XCR1: variants seen among roughly 807,000 people sequenced by gnomAD.
The protein encoded by XCR1 is X-C motif chemokine receptor 1.
For synonymous variants in XCR1, 187 were observed against 188.5 expected (o/e 0.99, Z 0.06); for missense variants, 356 against 424.2 (o/e 0.84, Z 1.41).
At chr3:46,036,080 C>T (rs73070434) in intron 5 of XCR1, among the ~76,000 whole-genome samples, 37 of 152,314 alleles carry the variant, frequency 2.4e-4, no homozygotes, top group Non-Finnish European at 5.0e-4. Context: ...ATTAGAATTA[C>T]ATAAACTGAT....
intron 4 of XCR1, among the ~76,000 whole-genome samples, chr3:46,056,656 ATT>A (rs61471538): frequency 4.1e-5 from 5 of 122,996 alleles, no homozygotes; most frequent in African/African-American, 1.3e-4. Flanking sequence ...GTATTTATTT[ATT>A]TTTTTTTTTG....
At chr3:46,024,070 A>G in intron 1 of XCR1, 1 of 951,092 alleles carries the variant, frequency 1.1e-6, no homozygotes, top group Non-Finnish European at 1.7e-6. Context: ...TCCAATCCCC[A>G]GTCTTCCTCC....
chr3:46,041,679 T>A (rs776506275), intron 5 of XCR1, among the ~76,000 whole-genome samples: 11 of 152,200 alleles, frequency 7.2e-5, no homozygotes, highest in Admixed American at 1.3e-4. Flanking sequence ...AATTGATCCT[T>A]CTGGTCTTAA....
At chr3:46,061,073 T>G (rs558055825) in intron 4 of XCR1, among the ~76,000 whole-genome samples, 1 of 152,230 alleles carries the variant, frequency 6.6e-6, no homozygotes, top group Non-Finnish European at 1.5e-5. Flanking sequence ...TTATTTTTTA[T>G]TTTTTGCAGA....
At chr3:46,046,192 G>T (rs181967052) in intron 5 of XCR1, among the ~76,000 whole-genome samples, 1 of 152,270 alleles carries the variant, frequency 6.6e-6, no homozygotes, top group East Asian at 1.9e-4. Flanking sequence ...AACAAAGGGG[G>T]CGAACGCAGG....
chr3:46,032,721 G>T (rs1708422872), intron 5 of XCR1, among the ~76,000 whole-genome samples: 1 of 152,212 alleles, frequency 6.6e-6, no homozygotes, highest in African/African-American at 2.4e-5. Context: ...AAAGTGGCTG[G>T]ATCATTTTGC....
chr3:46,041,632 G>C (rs1697538047), intron 5 of XCR1, among the ~76,000 whole-genome samples: 1 of 152,316 alleles, frequency 6.6e-6, no homozygotes, highest in South Asian at 2.1e-4. Flanking sequence ...AGCCGACCCA[G>C]TGATCGCATA....
intron 5 of XCR1, among the ~76,000 whole-genome samples, chr3:46,038,205 G>A (rs773707864): frequency 3.9e-4 from 60 of 151,904 alleles, no homozygotes; most frequent in Middle Eastern, 3.4e-3. Context: ...TTTCTGAGAG[G>A]TGGGGTTTCA....
chr3:46,042,062 G>A (rs1021257526), intron 5 of XCR1, among the ~76,000 whole-genome samples: 1 of 152,148 alleles, frequency 6.6e-6, no homozygotes, highest in Non-Finnish European at 1.5e-5. Flanking sequence ...TGGTGTTTCA[G>A]TAACACAACT....
rs1404308328 is a variant in XCR1, at chr3:46,019,325, C to T, written c.*1621G>A. 2 of 152,200 alleles carry T rather than the reference C, an allele frequency of 1.3e-5. No individual in the cohort carries two copies. Among genetic ancestry groups the T allele is most frequent in the Admixed American group, 6.5e-5 (1 of 15,284 alleles). 9.4% of individuals were successfully genotyped at this position (152,200 alleles called of 1,614,324 possible). ...TAATAACAGCTGTTGATTCTTTGCT[C>T]CCACTGAGCACACAGTGATAGAACA... On this transcript the variant is annotated 3_prime_UTR_variant, in exon 2 of 2. Coordinates refer to ENST00000309285, the MANE Select transcript of XCR1 (RefSeq NM_001024644.2).
chr3:46,041,110 T>C (rs9870093), intron 5 of XCR1, among the ~76,000 whole-genome samples: 2,918 of 152,326 alleles, frequency 0.019, 82 homozygotes, highest in African/African-American at 0.06. Flanking sequence ...TTGAGGCATA[T>C]TTCTCTCTCT....
Position 46,021,464 on chromosome 3 carries a change from T to G in XCR1, c.484A>C (p.Ile162Leu). 6.2e-7 allele frequency: 1 copy of G among 1,613,928 alleles called. No individual in the cohort carries two copies. Among genetic ancestry groups the G allele is most frequent in the Non-Finnish European group, 8.5e-7 (1 of 1,179,966 alleles). ...ACCTTGTGGAAGATGGTGTCGAGGA[T>G]GGAGGACAGGATGCTGGCTACCCAC... ...AVWVASILSS[I>L]LDTIFHKVLS... Residue 162 changes from isoleucine (I) to leucine (L), a missense_variant, in exon 2 of 2, where the codon ATC becomes CTC. Coordinates refer to ENST00000309285, the MANE Select transcript of XCR1 (RefSeq NM_001024644.2). This position sits in a 1 kb window ranked among gnomAD's most constrained non-coding sequence, Gnocchi z 4.7.
chr3:46,052,416 C>A (rs969626240), intron 5 of XCR1, among the ~76,000 whole-genome samples: 1 of 152,168 alleles, frequency 6.6e-6, no homozygotes, highest in Non-Finnish European at 1.5e-5. Context: ...TTGAGTGGCA[C>A]TGATTAGCCC....
At chr3:46,059,897 A>G (rs933551008) in intron 4 of XCR1, among the ~76,000 whole-genome samples, 1 of 152,220 alleles carries the variant, frequency 6.6e-6, no homozygotes, top group African/African-American at 2.4e-5. Context: ...ATACAACTGA[A>G]ATTGTGCTAA....
At chr3:46,080,775 A>T (rs1698348180) in intron 1 of XCR1, among the ~76,000 whole-genome samples, 1 of 152,164 alleles carries the variant, frequency 6.6e-6, no homozygotes. Context: ...TGATGTGTTT[A>T]TGAGCTGACT....
At chr3:46,082,016 C>T (rs1559497881) in intron 1 of XCR1, among the ~76,000 whole-genome samples, 1 of 152,078 alleles carries the variant, frequency 6.6e-6, no homozygotes, top group African/African-American at 2.4e-5. Context: ...GGGAAGGGAC[C>T]ATATCAGGTA....
At chr3:46,081,881 G>T (rs991021100) in intron 1 of XCR1, among the ~76,000 whole-genome samples, 5 of 151,920 alleles carry the variant, frequency 3.3e-5, no homozygotes, top group African/African-American at 4.8e-5. Flanking sequence ...ATAGTTCCCT[G>T]TGTCTCTTGT....
rs1708148224 is a variant in XCR1, at chr3:46,021,534, C to T, written c.414G>A (p.Leu138=). ...CCCGGCAGCGGAGGGTGGGGACGCG[C>T]AGGGTGGAGAGGGGGCTCACTACCG... ...YLSVVSPLST[L]RVPTLRCRVL... The change falls in exon 2 of 2, where the codon CTG becomes CTA. Residue 138 remains leucine, a synonymous_variant. Transcript: ENST00000309285. This position sits in a 1 kb window ranked among gnomAD's most constrained non-coding sequence, Gnocchi z 4.7. 1 of 1,611,242 alleles carries T rather than the reference C, an allele frequency of 6.2e-7. No homozygotes were observed. Among genetic ancestry groups the T allele is most frequent in the Non-Finnish European group, 8.5e-7 (1 of 1,178,588 alleles).
Position 46,040,280 on chromosome 3 carries a change from T to C in XCR1, c.-32+13640A>G, listed in dbSNP as rs140642293. 1.8e-4 allele frequency among the ~76,000 whole-genome samples: 27 copies of C among 152,254 alleles called. No homozygotes were observed. The East Asian group carries it at 5.2e-3, about 29-fold the overall frequency. On this transcript the variant is annotated intron_variant, in intron 5 of 5. Transcript: ENST00000683768. ...AAATAAATGATTATTTTATAGTAAT[T>C]TGTGATCCTATTTTGTTATATTAAG...
Sources: allele counts gnomAD v4.1 joint callset (sites outside exome capture counted in the v4.1 genomes callset), GRCh38; gene constraint gnomAD v4.1.1; non-coding constraint Gnocchi (gnomAD v3.1); transcripts MANE v1.5; gene names NCBI Gene and HGNC (gene_info 2026-07-23, HGNC 2026-07-21).